ULK4: variants seen among roughly 807,000 people sequenced by gnomAD.
ULK4 encodes inactive serine/threonine-protein kinase ULK4.
ULK4 carries 133 observed loss-of-function variants against 160.6 expected under a neutral mutation model. The observed-to-expected ratio is 0.83, with a 90% CI of 0.72 to 0.96. ULK4 has a LOEUF of 0.96. Ranked by LOEUF, ULK4 falls within the 40% of genes least tolerant of loss-of-function variation. ULK4 has a pLI of 0.00. For missense variants in ULK4, 1,580 were observed against 1,499.5 expected (o/e 1.05, Z -0.89); for synonymous variants, 534 against 539.8 (o/e 0.99, Z 0.15).
intron 17 of ULK4, 32 bp downstream of exon 17, chr3:41,883,842 A>C: frequency 1.3e-6 from 2 of 1,531,514 alleles, no homozygotes; most frequent in South Asian, 2.2e-5. Flanking sequence ...ATTTCTTGAC[A>C]TTCATCACAT....
At chr3:41,534,048 C>T (rs1261607124) in intron 32 of ULK4, among the ~76,000 whole-genome samples, 1 of 152,182 alleles carries the variant, frequency 6.6e-6, no homozygotes, top group African/African-American at 2.4e-5. Flanking sequence ...ACTCATGATC[C>T]AACCGCCTCG....
At chr3:41,358,033 C>T (rs60618410) in intron 35 of ULK4, among the ~76,000 whole-genome samples, 5,892 of 152,256 alleles carry the variant, frequency 0.039, 302 homozygotes, top group East Asian at 0.19. Context: ...GTCAGAGTGC[C>T]AGTAAGTGCT....
chr3:41,529,084 A>G (rs970538710), intron 32 of ULK4, among the ~76,000 whole-genome samples: 1 of 152,256 alleles, frequency 6.6e-6, no homozygotes, highest in Non-Finnish European at 1.5e-5. Context: ...CTTGAGAGAA[A>G]GAAGAGCCAA....
At chr3:41,883,323 C>T (rs954135110) in intron 17 of ULK4, among the ~76,000 whole-genome samples, 5 of 152,202 alleles carry the variant, frequency 3.3e-5, no homozygotes, top group African/African-American at 1.2e-4. Context: ...CCTCTCCTTA[C>T]CCCTTTTTTA....
At chr3:41,605,536 C>T (rs958054214) in intron 31 of ULK4, among the ~76,000 whole-genome samples, 5 of 151,770 alleles carry the variant, frequency 3.3e-5, no homozygotes, top group Non-Finnish European at 5.9e-5. Context: ...ATAAAGAGGT[C>T]GATTCATCAA....
intron 21 of ULK4, among the ~76,000 whole-genome samples, chr3:41,765,108 G>A (rs1050421069): frequency 2.6e-5 from 4 of 152,116 alleles, no homozygotes; most frequent in African/African-American, 7.2e-5. Context: ...ACATGCACAC[G>A]TTATGTTTAT....
At chr3:41,472,337 G>A (rs913468842) in intron 32 of ULK4, among the ~76,000 whole-genome samples, 1 of 152,102 alleles carries the variant, frequency 6.6e-6, no homozygotes, top group African/African-American at 2.4e-5. Flanking sequence ...GGGAGGCCAA[G>A]GCAGGCAGAT....
intron 35 of ULK4, among the ~76,000 whole-genome samples, chr3:41,373,493 G>A (rs181583106): frequency 1.3e-5 from 2 of 152,064 alleles, no homozygotes; most frequent in African/African-American, 2.4e-5. Flanking sequence ...CACTCAAAAC[G>A]GCACAACTAC....
At chr3:41,696,420 A>C (rs1023837829) in intron 27 of ULK4, among the ~76,000 whole-genome samples, 2 of 152,170 alleles carry the variant, frequency 1.3e-5, no homozygotes, top group African/African-American at 4.8e-5. Context: ...CCCCCTGTCC[A>C]GTGGACACGT....
Position 41,469,616 on chromosome 3 carries a change from A to AAAAAAAAAAAAC in ULK4, c.3227-6375_3227-6364dup, listed in dbSNP as rs1559625798. ...CCTACACCTGCCAAAAAAAAAAAAA[A>AAAAAAAAAAAAC]AAAAAAAAAAACACCTTAAAAGCCT... On this transcript the variant is annotated intron_variant, in intron 32 of 36. Coordinates refer to ENST00000301831, the MANE Select transcript of ULK4 (RefSeq NM_017886.4). Among the ~76,000 whole-genome samples, 20 of 148,202 alleles carry AAAAAAAAAAAAC rather than the reference A, an allele frequency of 1.3e-4. 1 individual carries two copies. Among genetic ancestry groups the AAAAAAAAAAAAC allele is most frequent in the African/African-American group, 4.5e-4 (18 of 40,226 alleles).
intron 21 of ULK4, among the ~76,000 whole-genome samples, chr3:41,776,186 G>A (rs1186728074): frequency 2.6e-5 from 4 of 150,948 alleles, no homozygotes; most frequent in African/African-American, 2.5e-5. Context: ...TTATCCATCA[G>A]TTTCTAATTC....
intron 35 of ULK4, among the ~76,000 whole-genome samples, chr3:41,305,840 G>C (rs1414139331): frequency 7.0e-6 from 1 of 141,960 alleles, no homozygotes. Context: ...GCCGCCCATA[G>C]TCTGAGATGT....
At chr3:41,451,279 G>A (rs1256791100) in intron 34 of ULK4, among the ~76,000 whole-genome samples, 1 of 151,922 alleles carries the variant, frequency 6.6e-6, no homozygotes, top group South Asian at 2.1e-4. Flanking sequence ...AAACACAAGG[G>A]AGGATGTCTA....
intron 32 of ULK4, among the ~76,000 whole-genome samples, chr3:41,526,608 G>T (rs1206803445): frequency 6.6e-6 from 1 of 152,184 alleles, no homozygotes; most frequent in Non-Finnish European, 1.5e-5. Context: ...GGACATCACT[G>T]CCTGGCTGCC....
intron 32 of ULK4, among the ~76,000 whole-genome samples, chr3:41,510,614 C>T (rs189020473): frequency 3.7e-4 from 57 of 152,090 alleles, no homozygotes; most frequent in African/African-American, 1.2e-3. Flanking sequence ...TTTAAAAAAT[C>T]GAAATTATAT....
intron 32 of ULK4, among the ~76,000 whole-genome samples, chr3:41,486,012 G>A (rs2084514270): frequency 6.6e-6 from 1 of 152,192 alleles, no homozygotes; most frequent in African/African-American, 2.4e-5. Context: ...CTGACCTTTT[G>A]GAAACTGCCG....
In ULK4 at chr3:41,798,999, T is replaced by C. The variant is rs546504155; in HGVS notation, c.2010+1133A>G. On this transcript the variant is annotated intron_variant, in intron 20 of 36. Transcript: ENST00000301831. ...ATGTGCAGGTAAATAGGTCTACTTA[T>C]ATGGCAGAAAGCAGTTGGGATAGTT... is the stretch of plus-strand genomic sequence containing the variant. 3.9e-5 allele frequency among the ~76,000 whole-genome samples: 6 copies of C among 152,264 alleles called. No homozygotes were observed. In the South Asian group the frequency reaches 1.2e-3, roughly 32 times the overall value.
intron 2 of ULK4, among the ~76,000 whole-genome samples, chr3:41,947,304 G>T (rs141367196): frequency 1.3e-5 from 2 of 152,122 alleles, no homozygotes; most frequent in Non-Finnish European, 2.9e-5. Context: ...GAGCGAGACA[G>T]GTAAATTATG....
chr3:41,627,084 T>A (rs2033551172), intron 30 of ULK4, among the ~76,000 whole-genome samples: 2 of 152,206 alleles, frequency 1.3e-5, no homozygotes, highest in South Asian at 4.1e-4. Context: ...TATTAACATT[T>A]TCTAACTTTC....
Sources: allele counts gnomAD v4.1 joint callset (sites outside exome capture counted in the v4.1 genomes callset), GRCh38; gene constraint gnomAD v4.1.1; transcripts MANE v1.5; gene names NCBI Gene and HGNC (gene_info 2026-07-23, HGNC 2026-07-21).